TRIM35: variants seen among roughly 807,000 people sequenced by gnomAD.
TRIM35 encodes the protein tripartite motif containing 35, also known as E3 ubiquitin-protein ligase TRIM35.
A neutral mutation model predicts 49.1 loss-of-function variants in TRIM35; 37 were observed. The observed-to-expected ratio is 0.75, with a 90% confidence interval of 0.58 to 0.99. TRIM35 has a LOEUF of 0.99. TRIM35 is among the 50% of genes least tolerant of loss of function. The pLI is 0.00. For synonymous variants in TRIM35, 302 were observed against 289.3 expected, an observed-to-expected ratio of 1.04 and a Z score of -0.45; for missense variants, 648 against 702.7, an observed-to-expected ratio of 0.92 and a Z score of 0.88.
rs181238735 is a variant in TRIM35 at position 27,304,321 on chromosome 8, C to T, written c.436-5762G>A. On this transcript the variant is annotated intron_variant, in intron 1 of 5. Coordinates refer to ENST00000305364, the MANE Select transcript of TRIM35 (RefSeq NM_171982.5). ...GAGTTGCATGTGAAACCAGCTCTGT[C>T]TGGCCTGAGCCAGGTTTTCTGTCTT... 1.8e-3 allele frequency among the ~76,000 whole-genome samples: 268 copies of T among 152,354 alleles called. 3 individuals are homozygous for T. The South Asian group carries it at 0.031, about 17-fold the overall frequency.
chr8:27,298,209 T>C (rs982318800), intron 2 of TRIM35, among the ~76,000 whole-genome samples: 7 of 152,190 alleles, frequency 4.6e-5, no homozygotes, highest in Non-Finnish European at 8.8e-5. Context: ...TGTGCCATAG[T>C]GCAGATGGTG....
Position 27,310,949 on chromosome 8 carries a change from C to A in TRIM35, c.287G>T (p.Arg96Leu). The A allele has an allele frequency of 6.2e-7, 1 of 1,612,658 alleles. No homozygotes were observed. The highest frequency in any genetic ancestry group is 8.5e-7 in the Non-Finnish European group (1 of 1,179,730). Residue 96 changes from arginine (R) to leucine (L), a missense_variant, in exon 1 of 6, where the codon CGC becomes CTC. Transcript: ENST00000305364. ...EAEGARWTSY[R>L]FSRVCRLHRG... ...GTGCAGGCGGCAGACACGCGAGAAG[C>A]GGTAGCTGGTCCAGCGCGCGCCCTC... is the stretch of plus-strand genomic sequence containing the variant.
At position 27,289,113 on chromosome 8, in the gene TRIM35, T is replaced by C. The variant is rs767992755; in HGVS notation, c.904+49A>G. On this transcript the variant is annotated intron_variant, in intron 5 of 5. Transcript: ENST00000305364. ...CAGCCCTGGTGCCTCTTTGCTAACA[T>C]GAAGGGCTTCCACCCATGCTTGGGA... 2.6e-6 allele frequency: 4 copies of C among 1,520,100 alleles called. No homozygotes were observed. The African/African-American group carries it at 4.1e-5, about 16-fold the overall frequency. The allele number at this position is 1,520,100 out of a possible 1,614,324, so 94.2% of individuals were successfully genotyped here.
intron 1 of TRIM35, chr8:27,304,793 G>A: frequency 2.2e-6 from 1 of 456,480 alleles, no homozygotes; most frequent in Non-Finnish European, 4.4e-6. Flanking sequence ...AGGAGAGCTG[G>A]TTTGGAGCCT....
At position 27,302,382 on chromosome 8, in the gene TRIM35, T is replaced by C. The variant is rs543857146; in HGVS notation, c.436-3823A>G. Among the ~76,000 whole-genome samples, 10 of 152,306 alleles carry C rather than the reference T, an allele frequency of 6.6e-5. No individual in the cohort carries two copies. The East Asian group carries it at 1.9e-3, about 29-fold the overall frequency. On this transcript the variant is annotated intron_variant, in intron 1 of 5. Transcript: ENST00000305364. ...TATTAATTTCTTCCTAGTTATCTTA[T>C]TTTTTATATTATTGTAAACATATTT... is the stretch of plus-strand genomic sequence containing the variant.
rs762910792 is a variant in TRIM35, at chr8:27,294,218, G to A, written c.624C>T (p.Ala208=). 2.5e-6 allele frequency: 4 copies of A among 1,614,050 alleles called. No homozygotes were observed. The highest frequency in any genetic ancestry group is 2.7e-5 in the African/African-American group (2 of 74,920). The change falls in exon 3 of 6, where the codon GCC becomes GCT. Residue 208 remains alanine, a synonymous_variant. Coordinates refer to ENST00000305364, the MANE Select transcript of TRIM35 (RefSeq NM_171982.5). ...GCTTCTGCCTTGTCTCCTCGGCCAT[G>A]GCATCCAGAATGGCCTGCTCCTCCA... ...LRVEEQAILD[A]MAEETRQKQL...
At chr8:27,290,065 T>G in intron 4 of TRIM35, 91 bp downstream of exon 4, 3 of 1,470,548 alleles carry the variant, frequency 2.0e-6, no homozygotes, top group East Asian at 2.3e-5. Flanking sequence ...CCCAGCTGGT[T>G]GTTACCTGCT....
chr8:27,309,792 G>A (rs1802868559), intron 1 of TRIM35, among the ~76,000 whole-genome samples: 1 of 151,778 alleles, frequency 6.6e-6, no homozygotes, highest in Non-Finnish European at 1.5e-5. Flanking sequence ...AGACCAGCCT[G>A]GCCAACATGG....
At chr8:27,305,056 T>C (rs1802756437) in intron 1 of TRIM35, among the ~76,000 whole-genome samples, 1 of 152,178 alleles carries the variant, frequency 6.6e-6, no homozygotes, top group Non-Finnish European at 1.5e-5. Flanking sequence ...CATTTCCTCA[T>C]CTGGATAAGA....
chr8:27,307,368 G>A (rs1247668623), intron 1 of TRIM35, among the ~76,000 whole-genome samples: 1 of 149,850 alleles, frequency 6.7e-6, no homozygotes, highest in Non-Finnish European at 1.5e-5. Flanking sequence ...ACTGCTCGCC[G>A]CCCCTCAATC....
At chr8:27,295,432 C>T (rs1802545861) in intron 2 of TRIM35, among the ~76,000 whole-genome samples, 1 of 152,152 alleles carries the variant, frequency 6.6e-6, no homozygotes, top group Non-Finnish European at 1.5e-5. Flanking sequence ...TACAGATGCT[C>T]CTCAAGTTAT....
Position 27,310,943 on chromosome 8 carries a change from G to A in TRIM35, c.293C>T (p.Ser98Leu), listed in dbSNP as rs1278773656. The A allele has an allele frequency of 2.5e-6, 4 of 1,612,518 alleles. No individual in the cohort carries two copies. The highest frequency in any genetic ancestry group is 3.4e-6 in the Non-Finnish European group (4 of 1,179,754). The stretch of plus-strand genomic sequence containing the variant: ...TCCGCGGTGCAGGCGGCAGACACGC[G>A]AGAAGCGGTAGCTGGTCCAGCGCGC... ...EGARWTSYRF[S>L]RVCRLHRGQL... is the part of the protein sequence containing the mutation. Residue 98 changes from serine (S) to leucine (L), a missense_variant, in exon 1 of 6, where the codon TCG becomes TTG. Physicochemically the swap from Ser to Leu is moderately radical, Grantham distance 145. Transcript: ENST00000305364.
intron 2 of TRIM35, among the ~76,000 whole-genome samples, chr8:27,296,344 A>G (rs947847465): frequency 6.6e-6 from 1 of 152,112 alleles, no homozygotes; most frequent in African/African-American, 2.4e-5. Flanking sequence ...TATCACACAA[A>G]AACATCAAGA....
intron 1 of TRIM35, among the ~76,000 whole-genome samples, chr8:27,309,994 AAAAC>A (rs2130340305): frequency 6.6e-6 from 1 of 152,200 alleles, no homozygotes; most frequent in African/African-American, 2.4e-5. Context: ...AAAAAAAAAA[AAAAC>A]AAAGGGAAGT....
At chr8:27,304,547 TTC>T (rs1212513471) in intron 1 of TRIM35, among the ~76,000 whole-genome samples, 2 of 152,236 alleles carry the variant, frequency 1.3e-5, no homozygotes, top group Admixed American at 1.3e-4. Flanking sequence ...GGGTAATAGC[TTC>T]TCTTTCCTGA....
chr8:27,300,254 C>T (rs932202742), intron 1 of TRIM35, among the ~76,000 whole-genome samples: 36 of 152,276 alleles, frequency 2.4e-4, no homozygotes, highest in African/African-American at 8.7e-4. Context: ...ACCACAGCTC[C>T]ATACCTACAG....
chr8:27,293,516 G>A (rs1255874166), intron 3 of TRIM35, among the ~76,000 whole-genome samples: 1 of 152,092 alleles, frequency 6.6e-6, no homozygotes, highest in East Asian at 1.9e-4. Flanking sequence ...GAAAAAAAAT[G>A]AGAGTAAGAG....
At chr8:27,310,067 A>G (rs927877468) in intron 1 of TRIM35, among the ~76,000 whole-genome samples, 2 of 152,176 alleles carry the variant, frequency 1.3e-5, no homozygotes, top group Non-Finnish European at 2.9e-5. Context: ...CAACTGATAC[A>G]TATGTTCTGG....
intron 1 of TRIM35, among the ~76,000 whole-genome samples, chr8:27,302,566 CT>C (rs1802701379): frequency 6.6e-6 from 1 of 152,152 alleles, no homozygotes; most frequent in South Asian, 2.1e-4. Flanking sequence ...ACCACCACAC[CT>C]GGCTAATTTG....
Sources: gnomAD v4.1 joint callset for allele counts (sites outside exome capture counted in the v4.1 genomes callset) on GRCh38, gnomAD v4.1.1 for gene constraint, MANE v1.5 for transcripts, NCBI Gene and HGNC (gene_info 2026-07-23, HGNC 2026-07-21) for gene names.